The following CALD1 variants were observed in gnomAD, a reference collection of about 807,000 sequenced individuals.
The protein encoded by CALD1 is caldesmon.
In CALD1, 33 loss-of-function variants were observed where a neutral mutation model predicts 99.9. The ratio of observed to expected loss-of-function variants is 0.33; its 90% CI spans 0.25 to 0.44. CALD1 has a LOEUF of 0.44. Ranked by LOEUF, CALD1 falls within the 20% of genes least tolerant of loss-of-function variation. CALD1 has a pLI of 1.00. For missense variants in CALD1, 861 were observed against 962.1 expected (o/e 0.89, Z 1.39); for synonymous variants, 310 against 325.0 (o/e 0.95, Z 0.50).
intron 3 of CALD1, chr7:134,920,415 C>T (rs1198829108): frequency 3.1e-6 from 2 of 653,440 alleles, no homozygotes; most frequent in African/African-American, 3.9e-5. Flanking sequence ...CAGGTTCAGA[C>T]AATGCCATTA....
intron 2 of CALD1, among the ~76,000 whole-genome samples, chr7:134,861,466 G>T (rs145325265): frequency 6.6e-6 from 1 of 152,306 alleles, no homozygotes; most frequent in Admixed American, 6.5e-5. Context: ...TACACGACAT[G>T]CTCCCTTTCT....
the CALD1 span, among the ~76,000 whole-genome samples, chr7:134,714,186 G>A: frequency 6.6e-4 from 101 of 152,240 alleles, no homozygotes; most frequent in African/African-American, 2.4e-3. Flanking sequence ...CTGCAAAACC[G>A]TGAGCCAATT....
chr7:134,919,795 T>C lies in CALD1; in HGVS notation c.72-8959T>C, dbSNP rs530167664. 2.0e-5 allele frequency among the ~76,000 whole-genome samples: 3 copies of C among 152,274 alleles called. No homozygotes were observed. The South Asian group carries it at 6.2e-4, about 32-fold the overall frequency. ...AATGAAATAATACAGCACTTTTCCA[T>C]GAAAATTTTTTTTCTTCTAAACCAA... On this transcript the variant is annotated intron_variant, in intron 3 of 14. Transcript: ENST00000361675.
the CALD1 span, among the ~76,000 whole-genome samples, chr7:134,717,382 A>AG: frequency 2.6e-5 from 4 of 152,260 alleles, no homozygotes; most frequent in African/African-American, 9.6e-5. Flanking sequence ...TTGGAAAAGC[A>AG]GAGTGACCTT....
intron 1 of CALD1, among the ~76,000 whole-genome samples, chr7:134,806,139 T>G (rs923690661): frequency 6.6e-6 from 1 of 152,224 alleles, no homozygotes; most frequent in African/African-American, 2.4e-5. Flanking sequence ...GGGCATTACC[T>G]GCATTGCAGA....
Position 134,960,216 on chromosome 7 carries a change from G to T in CALD1, c.2199+105G>T, listed in dbSNP as rs79454999. ...GTAAATAATAAAAGCAGTGAAGAAG[G>T]TGCAATTTGTACTTTGTTTTGCAAT... On this transcript the variant is annotated intron_variant, in intron 12 of 14. Coordinates refer to ENST00000361675, the MANE Select transcript of CALD1 (RefSeq NM_033138.4). 6,739 of 1,325,070 alleles carry T rather than the reference G, an allele frequency of 5.1e-3. 26 individuals carry two copies. Among genetic ancestry groups the T allele is most frequent in the Non-Finnish European group, 6.0e-3 (5,642 of 937,312 alleles). The allele number at this position is 1,325,070 out of a possible 1,614,324, so 82.1% of individuals were successfully genotyped here. A position where few individuals can be genotyped will look rare whatever the true frequency, so the allele number is the denominator to read the frequency against.
At chr7:134,823,049 C>CA (rs1798844634) in intron 1 of CALD1, among the ~76,000 whole-genome samples, 1 of 152,160 alleles carries the variant, frequency 6.6e-6, no homozygotes, top group South Asian at 2.1e-4. Context: ...CTGCCCACCC[C>CA]ACCTGTCCCT....
At chr7:134,816,256 G>T (rs1798559972) in intron 1 of CALD1, among the ~76,000 whole-genome samples, 1 of 152,144 alleles carries the variant, frequency 6.6e-6, no homozygotes, top group South Asian at 2.1e-4. Flanking sequence ...ATAATGTGAT[G>T]TTGCAAATCA....
intron 1 of CALD1, among the ~76,000 whole-genome samples, chr7:134,774,372 C>A (rs934511496): frequency 6.6e-6 from 1 of 152,074 alleles, no homozygotes; most frequent in African/African-American, 2.4e-5. Flanking sequence ...GGGAGCCCTG[C>A]AGGGTGAGGC....
At chr7:134,885,054 T>C (rs1330582154) in intron 3 of CALD1, among the ~76,000 whole-genome samples, 1 of 152,044 alleles carries the variant, frequency 6.6e-6, no homozygotes, top group South Asian at 2.1e-4. Context: ...TTCTCATGCC[T>C]CAGCCTCTGG....
Position 134,933,632 on chromosome 7 carries a change from T to G in CALD1, c.863T>G (p.Ile288Arg). Residue 288 changes from isoleucine (I) to arginine (R), a missense_variant, in exon 5 of 15, where the codon ATA becomes AGA. By Grantham distance (97) the Ile-to-Arg change is moderately conservative. Around this residue, in one of 5 missense-constraint regions of CALD1, gnomAD observed 234 missense variants for 233.1 expected, o/e 1.00. Transcript: ENST00000361675. ...ATTAAAGCCGAGCAAGACAAAAAGATAGCAGATGAACGAGCAAGAATTGAA... is the reference window on the plus strand; with the variant it reads ...ATTAAAGCCGAGCAAGACAAAAAGAGAGCAGATGAACGAGCAAGAATTGAA... The part of the protein sequence containing the change: ...ERIKAEQDKK[I>R]ADERARIEAE... The G allele has an allele frequency of 6.2e-7, 1 of 1,610,516 alleles. No homozygotes were observed. The highest frequency in any genetic ancestry group is 1.1e-5 in the South Asian group (1 of 90,274).
intron 1 of CALD1, among the ~76,000 whole-genome samples, chr7:134,765,778 G>A (rs1190018264): frequency 1.3e-5 from 2 of 152,092 alleles, no homozygotes; most frequent in Non-Finnish European, 2.9e-5. Flanking sequence ...TTGGATCGTG[G>A]TGATGGATTT....
At chr7:134,895,251 T>C (rs988976704) in intron 3 of CALD1, among the ~76,000 whole-genome samples, 1 of 151,838 alleles carries the variant, frequency 6.6e-6, no homozygotes, top group Non-Finnish European at 1.5e-5. Context: ...TATCAGGAAA[T>C]GTAGCATTAT....
At chr7:134,798,329 T>C (rs577502582) in intron 1 of CALD1, among the ~76,000 whole-genome samples, 1 of 152,354 alleles carries the variant, frequency 6.6e-6, no homozygotes, top group East Asian at 1.9e-4. Flanking sequence ...CGTTAGCAGA[T>C]TGCTCAGCCT....
At chr7:134,829,645 C>A (rs1799141451) in intron 1 of CALD1, among the ~76,000 whole-genome samples, 1 of 152,126 alleles carries the variant, frequency 6.6e-6, no homozygotes, top group Non-Finnish European at 1.5e-5. Context: ...TTATACACGA[C>A]ATTGTAGGCC....
chr7:134,904,266 G>T (rs990564840), intron 3 of CALD1, among the ~76,000 whole-genome samples: 2 of 151,602 alleles, frequency 1.3e-5, no homozygotes, highest in African/African-American at 4.9e-5. Flanking sequence ...GCAATAAGTG[G>T]GATAATTATT....
At chr7:134,885,457 T>C (rs569634554) in intron 3 of CALD1, among the ~76,000 whole-genome samples, 6 of 152,208 alleles carry the variant, frequency 3.9e-5, no homozygotes, top group Admixed American at 1.3e-4. Context: ...CAATATTTTT[T>C]AAGACTTTAT....
intron 4 of CALD1, among the ~76,000 whole-genome samples, chr7:134,931,766 A>AT (rs1805538682): frequency 6.6e-6 from 1 of 152,084 alleles, no homozygotes; most frequent in Non-Finnish European, 1.5e-5. Context: ...ACTTTTGGAG[A>AT]TTTTCTTTCC....
intron 1 of CALD1, among the ~76,000 whole-genome samples, chr7:134,784,231 A>G (rs910434873): frequency 6.6e-6 from 1 of 152,216 alleles, no homozygotes; most frequent in Non-Finnish European, 1.5e-5. Flanking sequence ...CACTTGACTA[A>G]AAGGGAATAA....
Sources: allele counts gnomAD v4.1 joint callset (sites outside exome capture counted in the v4.1 genomes callset), GRCh38; gene constraint gnomAD v4.1.1; regional missense constraint gnomAD v4.1.1; transcripts MANE v1.5; gene names NCBI Gene and HGNC (gene_info 2026-07-23, HGNC 2026-07-21).